NF1: variants seen among roughly 807,000 people sequenced by gnomAD.
NF1 encodes neurofibromin.
A neutral mutation model predicts 325.7 loss-of-function variants in NF1; 122 were observed. The ratio of observed to expected loss-of-function variants is 0.37; its 90% CI spans 0.32 to 0.44. The LOEUF is 0.44. Ranked by LOEUF, NF1 falls within the 20% of genes least tolerant of loss-of-function variation. The probability of loss-of-function intolerance (pLI) is 1.00; values close to 1 mark genes in which losing one functional copy is unlikely to be tolerated. For missense variants in NF1, 2,140 were observed against 3,415.4 expected, an observed-to-expected ratio of 0.63 and a Z score of 9.31; for synonymous variants, 1,091 against 1,186.0, an observed-to-expected ratio of 0.92 and a Z score of 1.65.
chr17:31,370,771 G>A (rs1704596869), intron 57 of NF1, among the ~76,000 whole-genome samples: 1 of 152,192 alleles, frequency 6.6e-6, no homozygotes, highest in Non-Finnish European at 1.5e-5. Flanking sequence ...GCAGATTGCT[G>A]GCAGAGAGTC....
At chr17:31,341,149 T>A (rs776607836) in intron 47 of NF1, among the ~76,000 whole-genome samples, 9 of 152,198 alleles carry the variant, frequency 5.9e-5, no homozygotes, top group Non-Finnish European at 1.2e-4. Context: ...TCATAGTAGA[T>A]AAGGAAGTTG....
chr17:31,265,428 G>C, intron 36 of NF1, 89 bp downstream of exon 36: 1 of 909,240 alleles, frequency 1.1e-6, no homozygotes, highest in Non-Finnish European at 1.8e-6. Context: ...TTTCCCAGTT[G>C]ACTTAACAGG....
chr17:31,171,324 T>C (rs1292298336), intron 5 of NF1, among the ~76,000 whole-genome samples: 1 of 152,224 alleles, frequency 6.6e-6, no homozygotes, highest in South Asian at 2.1e-4. Flanking sequence ...ATAGTTGAGA[T>C]TTGCAAGATT....
intron 36 of NF1, among the ~76,000 whole-genome samples, chr17:31,293,878 T>C (rs569465050): frequency 7.2e-5 from 11 of 152,372 alleles, no homozygotes; most frequent in African/African-American, 2.6e-4. Context: ...ATAAGTTGGC[T>C]AACTTTTATA....
rs1324187709 is a variant in NF1, at chr17:31,110,223, A to G, written c.60+14854A>G. 2.6e-5 allele frequency among the ~76,000 whole-genome samples: 4 copies of G among 152,198 alleles called. No homozygotes were observed. In the East Asian group the frequency reaches 5.8e-4, roughly 22 times the overall value. On this transcript the variant is annotated intron_variant, in intron 1 of 57. Coordinates refer to ENST00000358273, the MANE Select transcript of NF1 (RefSeq NM_001042492.3). Reference sequence around the variant, plus strand: ...TATCACTGCAACAAGTTAGAAAACCACAATTGGATGAACTTTAAAAATCAA... The same window carrying G: ...TATCACTGCAACAAGTTAGAAAACCGCAATTGGATGAACTTTAAAAATCAA...
chr17:31,106,151 G>T (rs903838488), intron 1 of NF1, among the ~76,000 whole-genome samples: 18 of 152,096 alleles, frequency 1.2e-4, no homozygotes, highest in Non-Finnish European at 2.5e-4. Context: ...TGTAGTAAAA[G>T]AAAAAGCTTT....
intron 14 of NF1, among the ~76,000 whole-genome samples, chr17:31,220,445 CT>C (rs1371451558): frequency 1.3e-5 from 2 of 152,074 alleles, no homozygotes; most frequent in Non-Finnish European, 2.9e-5. Context: ...ATTTCTATCA[CT>C]TTAAAAATCT....
chr17:31,096,937 A>ACT (rs3038174), intron 1 of NF1, among the ~76,000 whole-genome samples: 82,091 of 151,900 alleles, frequency 0.54, 25,893 homozygotes, highest in Middle Eastern at 0.76. Context: ...GGTAGAAAAG[A>ACT]CTCTGTAATT....
intron 47 of NF1, among the ~76,000 whole-genome samples, chr17:31,341,927 A>G (rs17883623): frequency 2.3e-3 from 346 of 152,330 alleles, no homozygotes; most frequent in Non-Finnish European, 3.9e-3. Flanking sequence ...ATGTGTATAT[A>G]CAGTGAGATT....
chr17:31,336,352 T>C lies in NF1; in HGVS notation c.6026T>C (p.Val2009Ala), dbSNP rs2151553205. Residue 2009 changes from valine to alanine, a missense_variant, in exon 41 of 58, where the codon GTT becomes GCT. By Grantham distance (64) the Val-to-Ala change is moderately conservative. This residue lies in a region of NF1 where 180 missense variants were observed against 435.1 expected (regional missense o/e 0.41). Transcript: ENST00000358273. The surrounding 1 kb of genome is among the most constrained non-coding windows in gnomAD (Gnocchi z 5.5). ...SLGQITDLLD[V>A]VLDSFIKTSA... Reference sequence around the variant, plus strand: ...AACTAGATTACAGATCTGCTTGATGTTGTACTAGACAGTTTCATCAAAACC... The same window carrying C: ...AACTAGATTACAGATCTGCTTGATGCTGTACTAGACAGTTTCATCAAAACC... 1 of 1,614,082 alleles carries C rather than the reference T, an allele frequency of 6.2e-7. No individual in the cohort carries two copies.
chr17:31,222,810 C>G (rs1345579415), intron 15 of NF1: 1 of 159,992 alleles, frequency 6.3e-6, no homozygotes, highest in African/African-American at 2.4e-5. Flanking sequence ...GAACAAGCCA[C>G]ACTTAAAGTG....
Position 31,260,384 on chromosome 17 carries a change from A to G in NF1, c.4446A>G (p.Ile1482Met), listed in dbSNP as rs876658776. ...FDAARRFFLD[I>M]ASDCPTSDAV... is the part of the protein sequence containing the mutation. ...ATTTTTGAAGGTTTTTCCTTGATAT[A>G]GCATCTGATTGTCCTACAAGTGATG... Residue 1482 changes from isoleucine to methionine, a missense_variant, in exon 34 of 58, where the codon ATA (isoleucine) becomes ATG (methionine). This residue lies in a region of NF1 where 336 missense variants were observed against 399.0 expected (regional missense o/e 0.84). Transcript: ENST00000358273. The G allele has an allele frequency of 3.1e-6, 5 of 1,613,830 alleles. No individual in the cohort carries two copies. Among genetic ancestry groups the G allele is most frequent in the Non-Finnish European group, 4.2e-6 (5 of 1,179,940 alleles).
At chr17:31,338,566 C>G (rs2069738870) in intron 45 of NF1, 138 bp from the exon 46 acceptor site, 2 of 664,574 alleles carry the variant, frequency 3.0e-6, no homozygotes, top group Non-Finnish European at 5.4e-6. Context: ...AGCTAGCTAC[C>G]AAGATCACCA....
chr17:31,300,567 G>A (rs1426630246), intron 36 of NF1, among the ~76,000 whole-genome samples: 3 of 151,884 alleles, frequency 2.0e-5, no homozygotes, highest in Non-Finnish European at 2.9e-5. Context: ...TGGACATCTG[G>A]GTTTTTCAGA....
At chr17:31,243,184 C>CTGTGTGTGTGTGTGTGTGTGTA (rs2067331728) in intron 29 of NF1, among the ~76,000 whole-genome samples, 1 of 137,476 alleles carries the variant, frequency 7.3e-6, no homozygotes, top group African/African-American at 3.0e-5. Context: ...CTCTCTCTGT[C>CTGTGTGTGTGTGTGTGTGTGTA]TGTGTGTGTG....
intron 1 of NF1, among the ~76,000 whole-genome samples, chr17:31,121,112 C>G (rs576255897): frequency 6.6e-6 from 1 of 152,288 alleles, no homozygotes; most frequent in Admixed American, 6.5e-5. Context: ...CAGCCCTTAT[C>G]CCTTAAGTCA....
At chr17:31,296,146 C>G in intron 36 of NF1, 2 of 1,610,712 alleles carry the variant, frequency 1.2e-6, no homozygotes, top group Admixed American at 1.7e-5. Flanking sequence ...GGTTATAAGA[C>G]AGGTTTAAAT....
chr17:31,190,904 AG>A (rs1567830770), intron 8 of NF1, among the ~76,000 whole-genome samples: 2 of 152,202 alleles, frequency 1.3e-5, no homozygotes, highest in Non-Finnish European at 2.9e-5. Flanking sequence ...ATCTCATCTC[AG>A]GTATTCTTAC....
chr17:31,216,469 G>A, intron 13 of NF1, among the ~76,000 whole-genome samples: 1 of 152,076 alleles, frequency 6.6e-6, no homozygotes, highest in East Asian at 1.9e-4. Flanking sequence ...GAGGAATGTA[G>A]GAATAATTAT....
Sources: gnomAD v4.1 joint callset for allele counts (sites outside exome capture counted in the v4.1 genomes callset) on GRCh38, gnomAD v4.1.1 for gene constraint, gnomAD v4.1.1 regional missense constraint, Gnocchi (gnomAD v3.1) non-coding constraint, MANE v1.5 for transcripts, NCBI Gene and HGNC (gene_info 2026-07-23, HGNC 2026-07-21) for gene names.